Variants in PKNOX2 observed in about 807,000 individuals in gnomAD.
PKNOX2 encodes homeobox protein PKNOX2.
Under a neutral mutation model 53.1 loss-of-function variants are expected in PKNOX2, and 14 were observed. That is an observed-to-expected ratio of 0.26 (90% CI 0.17 to 0.41). PKNOX2 has a LOEUF of 0.41. Ranked by LOEUF, PKNOX2 falls within the 10% of genes least tolerant of loss-of-function variation. The pLI is 1.00. For synonymous variants in PKNOX2, 257 were observed against 242.8 expected, an observed-to-expected ratio of 1.06 and a Z score of -0.54; for missense variants, 496 against 602.8, an observed-to-expected ratio of 0.82 and a Z score of 1.85.
chr11:125,360,768 G>A lies in PKNOX2; in HGVS notation c.88-7078G>A, dbSNP rs185769888. 9.5e-3 allele frequency among the ~76,000 whole-genome samples: 1,454 copies of A among 152,288 alleles called. 31 individuals carry two copies. Among genetic ancestry groups the A allele is most frequent in the African/African-American group, 0.032 (1,350 of 41,546 alleles). On this transcript the variant is annotated intron_variant, in intron 4 of 12. Transcript: ENST00000298282. ...TGTGTGGATTTTATTAACAATAACC[G>A]CCATATGCTGAATAGCTACTGAGGG...
At chr11:125,353,364 T>A (rs1460490504) in intron 4 of PKNOX2, among the ~76,000 whole-genome samples, 1 of 152,190 alleles carries the variant, frequency 6.6e-6, no homozygotes, top group Non-Finnish European at 1.5e-5. Context: ...AAGTTTTGGT[T>A]TGGCGGGGAT....
At chr11:125,306,001 C>CT (rs1157879342) in intron 2 of PKNOX2, among the ~76,000 whole-genome samples, 5 of 151,416 alleles carry the variant, frequency 3.3e-5, no homozygotes, top group Non-Finnish European at 5.9e-5. Context: ...TGTGTTTTTC[C>CT]TTTTTTTTTC....
chr11:125,330,025 G>A (rs1392550081), intron 2 of PKNOX2, among the ~76,000 whole-genome samples: 1 of 152,230 alleles, frequency 6.6e-6, no homozygotes, highest in Non-Finnish European at 1.5e-5. Flanking sequence ...TGAAGAGCAT[G>A]AATGAAGTCA....
intron 2 of PKNOX2, among the ~76,000 whole-genome samples, chr11:125,304,498 G>A (rs1380268517): frequency 1.3e-5 from 2 of 152,246 alleles, no homozygotes; most frequent in African/African-American, 2.4e-5. Flanking sequence ...GTGGGAAGGG[G>A]AGGGCTCCCA....
intron 5 of PKNOX2, among the ~76,000 whole-genome samples, chr11:125,384,311 A>C (rs1459907462): frequency 1.3e-5 from 2 of 152,188 alleles, no homozygotes; most frequent in African/African-American, 4.8e-5. Flanking sequence ...CAACTCAGGG[A>C]CTATGAGTGT....
chr11:125,197,524 C>T (rs938961997), intron 1 of PKNOX2, among the ~76,000 whole-genome samples: 8 of 152,136 alleles, frequency 5.3e-5, no homozygotes, highest in Non-Finnish European at 5.9e-5. Context: ...GGCTCTGCCC[C>T]GGTCTTCAGT....
chr11:125,379,939 G>A (rs1266887121), intron 5 of PKNOX2, among the ~76,000 whole-genome samples: 2 of 135,264 alleles, frequency 1.5e-5, no homozygotes, highest in Non-Finnish European at 3.1e-5. Flanking sequence ...TCGTTAACAA[G>A]AACTGCATAT....
chr11:125,421,992 T>C (rs1283183329), intron 10 of PKNOX2, among the ~76,000 whole-genome samples: 1 of 152,082 alleles, frequency 6.6e-6, no homozygotes, highest in Non-Finnish European at 1.5e-5. Context: ...TAACAGGGTT[T>C]GGTTGGAGAA....
In PKNOX2 at chr11:125,189,445, G is replaced by GTATA. The variant is rs1956715874; in HGVS notation, c.-201+24670_-201+24671insATAT. 8.7e-4 allele frequency among the ~76,000 whole-genome samples: 44 copies of GTATA among 50,576 alleles called. 1 individual carries two copies. The highest frequency in any genetic ancestry group is 1.1e-3 in the African/African-American group (13 of 11,982). The allele number at this position is 50,576 out of a possible 152,430, so 33.2% of individuals were successfully genotyped here. On this transcript the variant is annotated intron_variant, in intron 1 of 12. Coordinates refer to ENST00000298282, the MANE Select transcript of PKNOX2 (RefSeq NM_001382323.2). ...TGTGTGTGTGTGTGTGTGTGTGTGTGTGTATATATATATATATATATATAT... is the reference window on the plus strand; with the variant it reads ...TGTGTGTGTGTGTGTGTGTGTGTGTGTATATGTATATATATATATATATATATAT...
chr11:125,260,200 TTGTC>T (rs2135727109), intron 2 of PKNOX2, among the ~76,000 whole-genome samples: 1 of 151,906 alleles, frequency 6.6e-6, no homozygotes, highest in African/African-American at 2.4e-5. Context: ...TATGGTTTGT[TTGTC>T]TGCTTGTTTT....
intron 2 of PKNOX2, among the ~76,000 whole-genome samples, chr11:125,303,994 C>T (rs1948250642): frequency 6.6e-6 from 1 of 152,220 alleles, no homozygotes. Flanking sequence ...TCCTCTAGGC[C>T]AACCTCAAAA....
intron 4 of PKNOX2, among the ~76,000 whole-genome samples, chr11:125,355,812 C>A (rs769252924): frequency 6.6e-6 from 1 of 152,146 alleles, no homozygotes; most frequent in Admixed American, 6.5e-5. Flanking sequence ...ACACAACCAC[C>A]CCGTCACTCC....
chr11:125,415,234 C>CT lies in PKNOX2; in HGVS notation c.936+3391dup, dbSNP rs35920181. On this transcript the variant is annotated intron_variant, in intron 10 of 12. Transcript: ENST00000298282. ...CCAATCTGAGTTATATAAAGTTTAG[C>CT]TTTTTTTTTTTTTTTTTTTTTTGGT... 3.4e-3 allele frequency among the ~76,000 whole-genome samples: 264 copies of CT among 77,574 alleles called. 3 individuals are homozygous for CT. Among genetic ancestry groups the CT allele is most frequent in the African/African-American group, 7.0e-3 (155 of 21,998 alleles). 50.9% of individuals were successfully genotyped at this position (77,574 alleles called of 152,430 possible).
rs111986444 is a variant in PKNOX2 at position 125,346,247 on chromosome 11, G to A, written c.-22-5037G>A. Among the ~76,000 whole-genome samples, 1,243 of 152,148 alleles carry A rather than the reference G, an allele frequency of 8.2e-3. 18 individuals are homozygous for A. The highest frequency in any genetic ancestry group is 0.028 in the African/African-American group (1,166 of 41,482). On this transcript the variant is annotated intron_variant, in intron 3 of 12. Transcript: ENST00000298282. ...TGAAGGGATTGACAGCTCCTGGCTCGCTGACCTCAGGGGCCTCCTTCCCAC... is the reference window on the plus strand; with the variant it reads ...TGAAGGGATTGACAGCTCCTGGCTCACTGACCTCAGGGGCCTCCTTCCCAC...
intron 1 of PKNOX2, among the ~76,000 whole-genome samples, chr11:125,174,970 C>T (rs1190685706): frequency 6.6e-6 from 1 of 152,120 alleles, no homozygotes; most frequent in Non-Finnish European, 1.5e-5. Flanking sequence ...AGCCAAGGAG[C>T]TCGAAAGGAT....
At position 125,432,694 on chromosome 11, in the gene PKNOX2, A is replaced by G. The variant is rs1197246756; in HGVS notation, c.*1302A>G. On this transcript the variant is annotated 3_prime_UTR_variant, in exon 13 of 13. Transcript: ENST00000298282. The stretch of plus-strand genomic sequence containing the variant: ...ACATACCCTCCCACCCACCTTCCAG[A>G]CCCCCTTGGTTGGCACCCTCTCCTC... 4 of 152,506 alleles carry G rather than the reference A, an allele frequency of 2.6e-5. No homozygotes were observed. The highest frequency in any genetic ancestry group is 4.4e-5 in the Non-Finnish European group (3 of 68,056). The allele number at this position is 152,506 out of a possible 1,614,324, so 9.4% of individuals were successfully genotyped here. A position where few individuals can be genotyped will look rare whatever the true frequency, so the allele number is the denominator to read the frequency against.
At chr11:125,310,757 T>C (rs1948753022) in intron 2 of PKNOX2, among the ~76,000 whole-genome samples, 1 of 152,158 alleles carries the variant, frequency 6.6e-6, no homozygotes, top group Non-Finnish European at 1.5e-5. Context: ...CAGACTTGAG[T>C]TTATTTAAAG....
intron 2 of PKNOX2, among the ~76,000 whole-genome samples, chr11:125,277,245 G>GA (rs1316917873): frequency 1.3e-5 from 2 of 152,064 alleles, no homozygotes; most frequent in African/African-American, 4.8e-5. Flanking sequence ...ACAGTGGGAA[G>GA]AAAAAACAAT....
At chr11:125,420,691 G>T (rs920960682) in intron 10 of PKNOX2, among the ~76,000 whole-genome samples, 1 of 152,156 alleles carries the variant, frequency 6.6e-6, no homozygotes, top group Non-Finnish European at 1.5e-5. Context: ...TCTGATGAAA[G>T]CTTATTTAGA....
Sources: gnomAD v4.1 joint callset for allele counts (sites outside exome capture counted in the v4.1 genomes callset) on GRCh38, gnomAD v4.1.1 for gene constraint, MANE v1.5 for transcripts, NCBI Gene and HGNC (gene_info 2026-07-23, HGNC 2026-07-21) for gene names.